Variants in MAGEC3 observed in about 807,000 individuals in gnomAD.
MAGEC3 encodes the protein MAGE family member C3, also known as melanoma-associated antigen C3.
In MAGEC3, 34 loss-of-function variants were observed where a neutral mutation model predicts 35.3. That is an observed-to-expected ratio of 0.96 (90% confidence interval 0.73 to 1.28). The LOEUF (loss-of-function observed/expected upper bound fraction) is 1.28, where lower values mean the gene tolerates loss of function less well. Among genes scored for constraint, MAGEC3 ranks in the 50% most tolerant of loss-of-function variants. The pLI is 0.00. For missense variants in MAGEC3, 561 were observed against 483.6 expected (o/e 1.16, Z -1.50); for synonymous variants, 202 against 185.6 (o/e 1.09, Z -0.72).
intron 4 of MAGEC3, among the ~76,000 whole-genome samples, chrX:141,894,083 T>C (rs2018064252): frequency 9.0e-6 from 1 of 111,712 alleles, no homozygotes; most frequent in Non-Finnish European, 1.9e-5. Flanking sequence ...CCTACTCATA[T>C]GACAAATTGT....
At chrX:141,891,221 C>T (rs1247000248) in intron 4 of MAGEC3, among the ~76,000 whole-genome samples, 1 of 111,320 alleles carries the variant, frequency 9.0e-6, no homozygotes. Context: ...CATAAAACCT[C>T]ATTTCCCCTT....
chrX:141,894,307 T>A (rs1464354537), intron 4 of MAGEC3, among the ~76,000 whole-genome samples: 2 of 111,637 alleles, frequency 1.8e-5, no homozygotes, highest in Non-Finnish European at 3.8e-5. Context: ...ATTTTAAAAA[T>A]TAATAAAAAT....
At chrX:141,880,730 C>T (rs2017956229) in intron 3 of MAGEC3, 2 of 728,561 alleles carry the variant, frequency 2.7e-6, no homozygotes, top group Non-Finnish European at 2.0e-6. Flanking sequence ...AGCTGTGCCC[C>T]GAGGTGCTTT....
chrX:141,883,575 G>C (rs2017981344), intron 4 of MAGEC3, among the ~76,000 whole-genome samples: 1 of 112,041 alleles, frequency 8.9e-6, no homozygotes, highest in South Asian at 3.7e-4. Flanking sequence ...GTAAGAGATA[G>C]AGTTTTTGAG....
chrX:141,865,742 T>G (rs1006133470), intron 2 of MAGEC3, 137 bp downstream of exon 2: 4 of 665,799 alleles, frequency 6.0e-6, no homozygotes, highest in Non-Finnish European at 8.5e-6. Context: ...ACTTCATTTT[T>G]GGGGCCTGAG....
At chrX:141,896,683 A>G in intron 6 of MAGEC3, 199 bp from the exon 7 acceptor site, 1 of 1,211,152 alleles carries the variant, frequency 8.3e-7, no homozygotes, top group Non-Finnish European at 1.1e-6. Flanking sequence ...TCCACGCCTC[A>G]GCTTTGAGGA....
chrX:141,870,716 T>G lies in MAGEC3; in HGVS notation c.258+5111T>G, dbSNP rs1183334782. 2.7e-5 allele frequency among the ~76,000 whole-genome samples: 3 copies of G among 112,245 alleles called. No homozygotes were observed. The East Asian group carries it at 8.4e-4, about 31-fold the overall frequency. ...ATGTTATAATGGTAACTTTTAGCAA[T>G]TTTTAACTTTCATGTATAACCTGTT... is the stretch of plus-strand genomic sequence containing the variant. On this transcript the variant is annotated intron_variant, in intron 2 of 7. Transcript: ENST00000298296.
intron 1 of MAGEC3, among the ~76,000 whole-genome samples, chrX:141,843,750 C>T (rs2017699846): frequency 9.0e-6 from 1 of 110,802 alleles, no homozygotes; most frequent in African/African-American, 3.3e-5. Flanking sequence ...TGCCCACATA[C>T]CAAGCGTGCC....
chrX:141,846,864 A>G (rs1483074807), intron 1 of MAGEC3, among the ~76,000 whole-genome samples: 2 of 110,822 alleles, frequency 1.8e-5, no homozygotes, highest in African/African-American at 6.5e-5. Flanking sequence ...AGGTCATATT[A>G]CTCTCATTTT....
At chrX:141,889,374 T>C (rs182750902) in intron 4 of MAGEC3, among the ~76,000 whole-genome samples, 4 of 111,809 alleles carry the variant, frequency 3.6e-5, no homozygotes, top group Non-Finnish European at 7.5e-5. Context: ...CACTTTTGCT[T>C]CCTATTCCCA....
At chrX:141,862,779 T>C (rs1294124193) in intron 1 of MAGEC3, among the ~76,000 whole-genome samples, 3 of 110,509 alleles carry the variant, frequency 2.7e-5, no homozygotes, top group Non-Finnish European at 5.7e-5. Context: ...GACTGGGGAG[T>C]GTGAGTGAAT....
At chrX:141,879,806 T>C (rs956958917) in intron 3 of MAGEC3, among the ~76,000 whole-genome samples, 4 of 110,741 alleles carry the variant, frequency 3.6e-5, no homozygotes, top group African/African-American at 1.3e-4. Context: ...AAGAAGAAGC[T>C]CTTGCCTGCC....
At position 141,897,332 on chromosome X, in the gene MAGEC3, T is replaced by G. The variant is rs745772154; in HGVS notation, c.1574T>G (p.Phe525Cys). The stretch of plus-strand genomic sequence containing the variant: ...GACCCCGACAACCACTCCTATTTCT[T>G]TGAAGACACATTAGACCTCACCTAT... ...DMDPDNHSYFFEDTLDLTYEG... is the reference protein window; with the variant it reads ...DMDPDNHSYFCEDTLDLTYEG... Residue 525 changes from phenylalanine (F) to cysteine (C), a missense_variant, in exon 7 of 8, where the codon TTT (phenylalanine) becomes TGT (cysteine). Phe to Cys is a radical substitution (Grantham distance 205, BLOSUM62 -2). Coordinates refer to ENST00000298296, the MANE Select transcript of MAGEC3 (RefSeq NM_138702.1). The G allele has an allele frequency of 2.5e-6, 3 of 1,211,914 alleles. No individual in the cohort carries two copies. The Admixed American group carries it at 6.5e-5, about 26-fold the overall frequency.
intron 6 of MAGEC3, chrX:141,896,378 C>T: frequency 9.9e-7 from 1 of 1,006,471 alleles, no homozygotes; most frequent in Non-Finnish European, 1.3e-6. Flanking sequence ...CCTGGTGCCT[C>T]AGGCTCTGCC....
At chrX:141,890,825 TTAGA>T (rs767856414) in intron 4 of MAGEC3, among the ~76,000 whole-genome samples, 244 of 111,592 alleles carry the variant, frequency 2.2e-3, no homozygotes, top group Non-Finnish European at 3.6e-3. Flanking sequence ...TCATTTGTAG[TTAGA>T]TAGAAGCCAG....
intron 1 of MAGEC3, among the ~76,000 whole-genome samples, chrX:141,864,487 G>A (rs750294247): frequency 1.4e-4 from 16 of 110,863 alleles, no homozygotes; most frequent in Non-Finnish European, 2.8e-4. Flanking sequence ...ACATCGATGG[G>A]GCTGTAGGCG....
chrX:141,876,865 T>G (rs1488203329), intron 2 of MAGEC3, among the ~76,000 whole-genome samples: 1 of 112,404 alleles, frequency 8.9e-6, no homozygotes, highest in Admixed American at 9.4e-5. Context: ...TTGTTGGTTT[T>G]GTTTTTCAGA....
chrX:141,883,720 A>G (rs1312383303), intron 4 of MAGEC3, among the ~76,000 whole-genome samples: 1 of 113,147 alleles, frequency 8.8e-6, no homozygotes, highest in Non-Finnish European at 1.9e-5. Context: ...AGCTTCCTTC[A>G]TAAACTTGGT....
At chrX:141,840,506 A>T (rs1217056553) in intron 1 of MAGEC3, among the ~76,000 whole-genome samples, 1 of 112,006 alleles carries the variant, frequency 8.9e-6, no homozygotes, top group East Asian at 2.8e-4. Context: ...CTATGTAGCA[A>T]ACTTTGTTCA....
Sources: gnomAD v4.1 joint callset for allele counts (sites outside exome capture counted in the v4.1 genomes callset) on GRCh38, gnomAD v4.1.1 for gene constraint, MANE v1.5 for transcripts, NCBI Gene and HGNC (gene_info 2026-07-23, HGNC 2026-07-21) for gene names.